Variants in ATG5 observed in about 807,000 individuals in gnomAD.
ATG5 encodes autophagy related 5, also known as autophagy protein 5.
ATG5 carries 14 observed loss-of-function variants against 36.5 expected under a neutral mutation model. The ratio of observed to expected loss-of-function variants is 0.38; its 90% CI spans 0.25 to 0.60. The LOEUF is 0.60. Ranked by LOEUF, ATG5 falls within the 20% of genes least tolerant of loss-of-function variation. ATG5 has a pLI of 0.60. For synonymous variants in ATG5, 95 were observed against 101.5 expected (o/e 0.94, Z 0.38); for missense variants, 195 against 326.7 (o/e 0.60, Z 3.11).
chr6:106,194,789 G>T (rs1310930860), intron 7 of ATG5, among the ~76,000 whole-genome samples: 1 of 152,134 alleles, frequency 6.6e-6, no homozygotes, highest in South Asian at 2.1e-4. Flanking sequence ...CACCCGCCTA[G>T]CTTACCACGT....
At chr6:106,196,555 C>T (rs193055927) in intron 7 of ATG5, among the ~76,000 whole-genome samples, 18 of 152,172 alleles carry the variant, frequency 1.2e-4, no homozygotes, top group African/African-American at 3.9e-4. Flanking sequence ...GAAACCCCGT[C>T]TCTACCAAAT....
chr6:106,234,187 T>C (rs907380656), intron 6 of ATG5, among the ~76,000 whole-genome samples: 17 of 152,064 alleles, frequency 1.1e-4, no homozygotes, highest in South Asian at 6.2e-4. Flanking sequence ...CCCGGGTACA[T>C]AGCACCCCTA....
chr6:106,210,090 A>G (rs1266336683), intron 6 of ATG5, among the ~76,000 whole-genome samples: 1 of 152,148 alleles, frequency 6.6e-6, no homozygotes, highest in East Asian at 1.9e-4. Context: ...ACTCTAACAC[A>G]CTTGAAGGCC....
intron 2 of ATG5, among the ~76,000 whole-genome samples, chr6:106,311,375 C>T (rs923431555): frequency 5.2e-4 from 79 of 152,146 alleles, no homozygotes; most frequent in African/African-American, 1.8e-3. Flanking sequence ...TTGAGTTTCA[C>T]GGGAGGCCTT....
chr6:106,319,313 A>G (rs1448324068), intron 1 of ATG5, among the ~76,000 whole-genome samples: 2 of 151,608 alleles, frequency 1.3e-5, no homozygotes, highest in Non-Finnish European at 2.9e-5. Context: ...ATTATATAAC[A>G]TAAGTAGTAA....
In ATG5 at chr6:106,314,446, A is replaced by G. The variant is rs547460922; in HGVS notation, c.108+1655T>C. On this transcript the variant is annotated intron_variant, in intron 2 of 7. Coordinates refer to ENST00000369076, the MANE Select transcript of ATG5 (RefSeq NM_004849.4). ...ATGGCACATGCCTATAATCCTAGTT[A>G]CTTGGGAAGCTGAGGCATGAGAATC... Among the ~76,000 whole-genome samples, 13 of 152,306 alleles carry G rather than the reference A, an allele frequency of 8.5e-5. No individual in the cohort carries two copies. In the South Asian group the frequency reaches 2.7e-3, roughly 32 times the overall value.
intron 3 of ATG5, among the ~76,000 whole-genome samples, chr6:106,303,790 C>G (rs1167396764): frequency 1.3e-5 from 2 of 151,906 alleles, no homozygotes; most frequent in Non-Finnish European, 2.9e-5. Context: ...TAGCAACCAG[C>G]TAAGGAAGAA....
At chr6:106,310,714 C>T (rs545291417) in intron 2 of ATG5, among the ~76,000 whole-genome samples, 1 of 152,266 alleles carries the variant, frequency 6.6e-6, no homozygotes, top group African/African-American at 2.4e-5. Flanking sequence ...TTCCCTGCTT[C>T]CCCAGCTCCC....
At chr6:106,214,399 C>G (rs751171286) in intron 6 of ATG5, among the ~76,000 whole-genome samples, 3 of 152,004 alleles carry the variant, frequency 2.0e-5, no homozygotes, top group Non-Finnish European at 4.4e-5. Flanking sequence ...TGAAAATAAG[C>G]ACTTTCTGTA....
chr6:106,266,322 A>G (rs1377396696), intron 5 of ATG5, among the ~76,000 whole-genome samples: 1 of 152,226 alleles, frequency 6.6e-6, no homozygotes, highest in Non-Finnish European at 1.5e-5. Context: ...TGACTAGAAC[A>G]ATAACAAGTT....
At chr6:106,195,284 T>C (rs1172165913) in intron 7 of ATG5, among the ~76,000 whole-genome samples, 1 of 152,194 alleles carries the variant, frequency 6.6e-6, no homozygotes, top group Non-Finnish European at 1.5e-5. Context: ...TGAAGTACTT[T>C]CTCTTTTCAT....
intron 7 of ATG5, among the ~76,000 whole-genome samples, chr6:106,197,763 G>A (rs536592615): frequency 2.6e-4 from 40 of 152,224 alleles, no homozygotes; most frequent in Admixed American, 1.7e-3. Flanking sequence ...CAATCTCCAG[G>A]CAGTAGAGCT....
At chr6:106,322,329 A>C (rs760990097) in intron 1 of ATG5, among the ~76,000 whole-genome samples, 3 of 152,226 alleles carry the variant, frequency 2.0e-5, no homozygotes, top group Non-Finnish European at 4.4e-5. Flanking sequence ...TACTACCTGA[A>C]GTAATTTTCA....
Position 106,290,536 on chromosome 6 carries a change from C to G in ATG5, c.315+2492G>C, listed in dbSNP as rs564840104. Reference sequence around the variant, plus strand: ...GGGTCTACGTTGCCCAGGCTGGTCTCAAACTTCTGGGCTCAAGCAATCCTC... The same window carrying G: ...GGGTCTACGTTGCCCAGGCTGGTCTGAAACTTCTGGGCTCAAGCAATCCTC... On this transcript the variant is annotated intron_variant, in intron 4 of 7. Transcript: ENST00000369076. 2.1e-4 allele frequency among the ~76,000 whole-genome samples: 32 copies of G among 152,110 alleles called. No homozygotes were observed. In the South Asian group the frequency reaches 6.0e-3, roughly 29 times the overall value.
intron 6 of ATG5, among the ~76,000 whole-genome samples, chr6:106,204,123 C>T (rs762546457): frequency 5.9e-5 from 9 of 151,964 alleles, no homozygotes; most frequent in African/African-American, 2.2e-4. Flanking sequence ...AAATACCTAA[C>T]GTAGATGAGG....
rs267600752 is a variant in ATG5 at position 106,202,053 on chromosome 6, G to A, written c.610C>T (p.Arg204Cys). 8.7e-6 allele frequency: 14 copies of A among 1,613,798 alleles called. No individual in the cohort carries two copies. Among genetic ancestry groups the A allele is most frequent in the East Asian group, 6.7e-5 (3 of 44,868 alleles). The change falls in exon 7 of 8, where the codon CGT becomes TGT. Residue 204 changes from arginine (R) to cysteine (C), a missense_variant. Coordinates refer to ENST00000369076, the MANE Select transcript of ATG5 (RefSeq NM_004849.4). ...TERPFIQKLF[R>C]PVAADGQLHT... ...AACTGTCCATCTGCAGCCACAGGAC[G>A]AAACAGCTTCTGAATGAAAGGTCTT...
intron 7 of ATG5, among the ~76,000 whole-genome samples, chr6:106,200,096 T>C (rs1371254860): frequency 6.6e-6 from 1 of 152,124 alleles, no homozygotes; most frequent in Non-Finnish European, 1.5e-5. Context: ...AAGCATTACA[T>C]ACATGTAGGA....
chr6:106,235,266 A>C (rs1252829147), intron 6 of ATG5, among the ~76,000 whole-genome samples: 1 of 152,166 alleles, frequency 6.6e-6, no homozygotes, highest in East Asian at 1.9e-4. Context: ...ATCGTTCTTC[A>C]AATGGAACCC....
Position 106,186,543 on chromosome 6 carries a change from A to T in ATG5, c.825T>A (p.Asp275Glu). The change falls in exon 8 of 8, where the codon GAT becomes GAA. Residue 275 changes from aspartate to glutamate, a missense_variant. Transcript: ENST00000369076. ...LHISIIPQPT[D>E] Reference sequence around the variant, plus strand: ...GTTCAGGCAAATAGTTGATCCTTCAATCTGTTGGCTGTGGGATGATACTAA... The same window carrying T: ...GTTCAGGCAAATAGTTGATCCTTCATTCTGTTGGCTGTGGGATGATACTAA... 1 of 1,613,442 alleles carries T rather than the reference A, an allele frequency of 6.2e-7. No individual in the cohort carries two copies. The highest frequency in any genetic ancestry group is 8.5e-7 in the Non-Finnish European group (1 of 1,179,516).
Sources: gnomAD v4.1 joint callset for allele counts (sites outside exome capture counted in the v4.1 genomes callset) on GRCh38, gnomAD v4.1.1 for gene constraint, MANE v1.5 for transcripts, NCBI Gene and HGNC (gene_info 2026-07-23, HGNC 2026-07-21) for gene names.